ADAMTS17: variants seen among roughly 807,000 people sequenced by gnomAD.
The protein encoded by ADAMTS17 is ADAM metallopeptidase with thrombospondin type 1 motif 17, also known as A disintegrin and metalloproteinase with thrombospondin motifs 17.
Under a neutral mutation model 141.5 loss-of-function variants are expected in ADAMTS17, and 113 were observed. The observed-to-expected ratio is 0.80, with a 90% CI of 0.69 to 0.93. The LOEUF (loss-of-function observed/expected upper bound fraction) is 0.93. Ranked by LOEUF, ADAMTS17 falls within the 40% of genes least tolerant of loss-of-function variation. The pLI is 0.00. For missense variants in ADAMTS17, 1,659 were observed against 1,517.9 expected, an observed-to-expected ratio of 1.09 and a Z score of -1.54; for synonymous variants, 768 against 630.6, an observed-to-expected ratio of 1.22 and a Z score of -3.27.
intron 10 of ADAMTS17, among the ~76,000 whole-genome samples, chr15:100,142,153 T>G (rs2038686589): frequency 6.6e-6 from 1 of 152,260 alleles, no homozygotes; most frequent in Non-Finnish European, 1.5e-5. Flanking sequence ...TAACAGTCTC[T>G]GGAGGACTCT....
At position 100,051,648 on chromosome 15, in the gene ADAMTS17, T is replaced by C; in HGVS notation, c.2379A>G (p.Glu793=). Residue 793 remains glutamate, a synonymous_variant, in exon 17 of 22, where the codon GAA becomes GAG. Transcript: ENST00000268070. The part of the protein sequence containing the change: ...PVNRTAENQS[E]PEKPQDSLFI... ...ACAAAGAGTCCTGCGGTTTTTCTGG[T>C]TCGCTTTGATTTTCCGCAGTGCGGT... The C allele has an allele frequency of 6.2e-7, 1 of 1,614,144 alleles. No individual in the cohort carries two copies. The highest frequency in any genetic ancestry group is 2.2e-5 in the East Asian group (1 of 44,886).
At chr15:100,232,910 G>A (rs1042554973) in intron 7 of ADAMTS17, among the ~76,000 whole-genome samples, 12 of 152,220 alleles carry the variant, frequency 7.9e-5, no homozygotes, top group African/African-American at 2.7e-4. Flanking sequence ...GAGGAGGGAC[G>A]CCGTGAATCT....
chr15:99,980,458 G>C (rs533118924), intron 20 of ADAMTS17: 4 of 152,412 alleles, frequency 2.6e-5, no homozygotes, highest in African/African-American at 9.6e-5. Flanking sequence ...CATGTACCCA[G>C]GAGGGAAAGG....
intron 8 of ADAMTS17, among the ~76,000 whole-genome samples, chr15:100,178,348 G>A (rs568314972): frequency 6.6e-6 from 1 of 152,156 alleles, no homozygotes; most frequent in Admixed American, 6.5e-5. Context: ...TCTAGGTATT[G>A]CCATATACAC....
chr15:100,183,974 T>C (rs558990806), intron 8 of ADAMTS17, among the ~76,000 whole-genome samples: 45 of 152,040 alleles, frequency 3.0e-4, no homozygotes, highest in Non-Finnish European at 4.3e-4. Context: ...CCACCTCCTA[T>C]AGGGGGGTCA....
intron 10 of ADAMTS17, among the ~76,000 whole-genome samples, chr15:100,151,046 C>A (rs1166648665): frequency 2.0e-5 from 3 of 152,244 alleles, no homozygotes; most frequent in Admixed American, 6.5e-5. Flanking sequence ...TGAGTTTGGG[C>A]ACCGCTGCAG....
intron 20 of ADAMTS17, among the ~76,000 whole-genome samples, chr15:99,986,485 C>G (rs929887536): frequency 1.3e-5 from 2 of 152,178 alleles, no homozygotes; most frequent in African/African-American, 4.8e-5. Context: ...GCTATCTCCA[C>G]ATCACACACA....
chr15:100,264,003 A>G (rs371494247), intron 4 of ADAMTS17, among the ~76,000 whole-genome samples: 1 of 152,234 alleles, frequency 6.6e-6, no homozygotes, highest in East Asian at 1.9e-4. Context: ...GTGACAAAGG[A>G]ATCAGCCGTG....
At chr15:100,057,663 T>C (rs966192030) in intron 15 of ADAMTS17, among the ~76,000 whole-genome samples, 3 of 152,262 alleles carry the variant, frequency 2.0e-5, no homozygotes, top group East Asian at 1.9e-4. Context: ...TCACGTGGGA[T>C]TGAACCCCAC....
intron 20 of ADAMTS17, among the ~76,000 whole-genome samples, chr15:99,992,078 G>C (rs1022772096): frequency 2.6e-5 from 4 of 152,042 alleles, no homozygotes; most frequent in Non-Finnish European, 4.4e-5. Context: ...TGCATCTGGG[G>C]CTTAAAACCT....
intron 10 of ADAMTS17, among the ~76,000 whole-genome samples, chr15:100,134,526 G>C (rs1313533401): frequency 6.6e-6 from 1 of 152,234 alleles, no homozygotes; most frequent in African/African-American, 2.4e-5. Context: ...TGAAGGTCAA[G>C]GAGCTCCTGT....
intron 4 of ADAMTS17, among the ~76,000 whole-genome samples, chr15:100,278,327 CAA>C (rs34991549): frequency 0.032 from 3,193 of 101,006 alleles, 55 homozygotes; most frequent in Non-Finnish European, 0.037. Flanking sequence ...CATTCTACCA[CAA>C]AAAAAAAAAA....
intron 20 of ADAMTS17, among the ~76,000 whole-genome samples, chr15:99,985,289 C>T (rs557460380): frequency 6.6e-6 from 1 of 152,248 alleles, no homozygotes; most frequent in Non-Finnish European, 1.5e-5. Flanking sequence ...GGATCTGCCT[C>T]TCTTGATCTG....
At chr15:100,179,995 T>C (rs1218215915) in intron 8 of ADAMTS17, among the ~76,000 whole-genome samples, 1 of 152,186 alleles carries the variant, frequency 6.6e-6, no homozygotes, top group Admixed American at 6.5e-5. Flanking sequence ...ACTTTGCTGG[T>C]TGTTTTCTTT....
At chr15:100,101,792 A>G (rs925366662) in intron 14 of ADAMTS17, among the ~76,000 whole-genome samples, 2 of 152,228 alleles carry the variant, frequency 1.3e-5, no homozygotes, top group Non-Finnish European at 2.9e-5. Flanking sequence ...TGGCTGGAAT[A>G]AGCAGTACTT....
intron 4 of ADAMTS17, among the ~76,000 whole-genome samples, chr15:100,280,896 T>C (rs1017542940): frequency 6.6e-6 from 1 of 152,208 alleles, no homozygotes; most frequent in Non-Finnish European, 1.5e-5. Flanking sequence ...ATGGACTCCT[T>C]GGAGCAGGGT....
intron 15 of ADAMTS17, among the ~76,000 whole-genome samples, chr15:100,094,133 T>A (rs2035625693): frequency 6.6e-6 from 1 of 152,226 alleles, no homozygotes; most frequent in South Asian, 2.1e-4. Flanking sequence ...GTGTGACAAT[T>A]GGCAATCACT....
In ADAMTS17 at chr15:100,140,047, G is replaced by C. The variant is rs562373387; in HGVS notation, c.1474-6732C>G. Among the ~76,000 whole-genome samples the C allele has an allele frequency of 2.3e-3, 345 of 152,248 alleles. 1 individual carries two copies. The highest frequency in any genetic ancestry group is 7.9e-3 in the African/African-American group (327 of 41,530). ...GCCTCACTCTGTCACCCAGGCTGGAGTGCAGTGGTGCAATCTCAGCTCACT... is the reference window on the plus strand; with the variant it reads ...GCCTCACTCTGTCACCCAGGCTGGACTGCAGTGGTGCAATCTCAGCTCACT... On this transcript the variant is annotated intron_variant, in intron 10 of 21. Transcript: ENST00000268070.
At chr15:100,044,216 G>A (rs1448901601) in intron 18 of ADAMTS17, among the ~76,000 whole-genome samples, 1 of 152,106 alleles carries the variant, frequency 6.6e-6, no homozygotes, top group Non-Finnish European at 1.5e-5. Context: ...ACAAACCTGG[G>A]AAATTTTTGA....
Sources: allele counts gnomAD v4.1 joint callset (sites outside exome capture counted in the v4.1 genomes callset), GRCh38; gene constraint gnomAD v4.1.1; transcripts MANE v1.5; gene names NCBI Gene and HGNC (gene_info 2026-07-23, HGNC 2026-07-21).